NRCAM: variants seen among roughly 807,000 people sequenced by gnomAD.
The protein encoded by NRCAM is neuronal cell adhesion molecule.
NRCAM carries 83 observed loss-of-function variants against 156.5 expected under a neutral mutation model. The observed-to-expected ratio is 0.53, with a 90% CI of 0.44 to 0.64. NRCAM has a LOEUF of 0.64. NRCAM is among the 30% of genes least tolerant of loss of function. The pLI is 0.00. For synonymous variants in NRCAM, 538 were observed against 563.9 expected (o/e 0.95, Z 0.65); for missense variants, 1,417 against 1,597.3 (o/e 0.89, Z 1.92).
chr7:108,255,177 C>CA (rs1270150000), intron 3 of NRCAM, among the ~76,000 whole-genome samples: 1 of 110,916 alleles, frequency 9.0e-6, no homozygotes, highest in African/African-American at 4.2e-5. Context: ...CCCTCCCCCC[C>CA]CTGCCCCTCC....
At chr7:108,245,282 T>G (rs1466130860) in intron 3 of NRCAM, among the ~76,000 whole-genome samples, 1 of 152,166 alleles carries the variant, frequency 6.6e-6, no homozygotes, top group African/African-American at 2.4e-5. Context: ...CTCTTATTTT[T>G]TAATTAGTCA....
chr7:108,175,000 G>A (rs1438883381), intron 28 of NRCAM, among the ~76,000 whole-genome samples: 1 of 152,202 alleles, frequency 6.6e-6, no homozygotes, highest in Non-Finnish European at 1.5e-5. Context: ...CCCAAATAAT[G>A]TGGCATGGCC....
At chr7:108,418,501 A>G (rs4591957) in intron 1 of NRCAM, among the ~76,000 whole-genome samples, 118,101 of 151,618 alleles carry the variant, frequency 0.78, 47,782 homozygotes, top group East Asian at 0.96. Flanking sequence ...TGAAAGCAGC[A>G]TTGGCCTGAC....
At chr7:108,355,839 A>C (rs1449296568) in intron 2 of NRCAM, among the ~76,000 whole-genome samples, 4 of 152,254 alleles carry the variant, frequency 2.6e-5, no homozygotes, top group Admixed American at 6.5e-5. Flanking sequence ...CTGTGGCTAC[A>C]TCACAATGCC....
Position 108,337,722 on chromosome 7 carries a change from T to TTGCCACCATCTTGGAAGCAGCC in NRCAM, c.-173-25013_-173-24992dup, listed in dbSNP as rs1275245446. On this transcript the variant is annotated intron_variant, in intron 2 of 32. Transcript: ENST00000379028. ...AACCCTAGGTCAGAGAACACGAGGC[T>TTGCCACCATCTTGGAAGCAGCC]TGCCACCATCTTGGAAGCAGCCTGC... 1.3e-3 allele frequency among the ~76,000 whole-genome samples: 205 copies of TTGCCACCATCTTGGAAGCAGCC among 152,192 alleles called. 2 individuals are homozygous for TTGCCACCATCTTGGAAGCAGCC. Among genetic ancestry groups the TTGCCACCATCTTGGAAGCAGCC allele is most frequent in the Admixed American group, 5.2e-3 (79 of 15,290 alleles).
chr7:108,285,641 T>A (rs1260755129), intron 3 of NRCAM, among the ~76,000 whole-genome samples: 1 of 152,240 alleles, frequency 6.6e-6, no homozygotes, highest in Non-Finnish European at 1.5e-5. Flanking sequence ...GTGTCTTGAT[T>A]GCTTCAGAGA....
chr7:108,171,338 G>A (rs948704437), intron 28 of NRCAM, among the ~76,000 whole-genome samples: 1 of 152,146 alleles, frequency 6.6e-6, no homozygotes, highest in African/African-American at 2.4e-5. Context: ...AAATTCCTTA[G>A]CAAAGCATTC....
At chr7:108,297,060 A>G (rs1453992786) in intron 3 of NRCAM, among the ~76,000 whole-genome samples, 1 of 152,218 alleles carries the variant, frequency 6.6e-6, no homozygotes, top group African/African-American at 2.4e-5. Flanking sequence ...AGTGCCAGGC[A>G]TTAGTCACAA....
intron 3 of NRCAM, among the ~76,000 whole-genome samples, chr7:108,262,555 C>T (rs115540269): frequency 0.016 from 2,484 of 152,292 alleles, 60 homozygotes; most frequent in African/African-American, 0.052. Flanking sequence ...CATAATCTTT[C>T]TACAGCATGG....
At chr7:108,201,076 T>G (rs1235420129) in intron 13 of NRCAM, among the ~76,000 whole-genome samples, 2 of 151,464 alleles carry the variant, frequency 1.3e-5, no homozygotes, top group Non-Finnish European at 2.9e-5. Flanking sequence ...ATCTCAGAAC[T>G]TATTCATGTA....
intron 2 of NRCAM, among the ~76,000 whole-genome samples, chr7:108,376,765 CAA>C (rs1380211353): frequency 6.6e-6 from 1 of 152,140 alleles, no homozygotes; most frequent in Non-Finnish European, 1.5e-5. Context: ...TAAACGCAAG[CAA>C]AAGTCAGTCA....
intron 1 of NRCAM, among the ~76,000 whole-genome samples, chr7:108,420,404 G>A (rs1807882284): frequency 6.6e-6 from 1 of 152,110 alleles, no homozygotes; most frequent in Non-Finnish European, 1.5e-5. Context: ...CTGAATAAAT[G>A]GAAACGTCTT....
At chr7:108,221,548 C>T (rs554867045) in intron 11 of NRCAM, among the ~76,000 whole-genome samples, 14 of 152,170 alleles carry the variant, frequency 9.2e-5, no homozygotes, top group South Asian at 2.1e-4. Flanking sequence ...ATGGCATTTG[C>T]GGTGACCTGG....
chr7:108,410,636 T>G (rs1407622059), intron 1 of NRCAM, among the ~76,000 whole-genome samples: 1 of 152,188 alleles, frequency 6.6e-6, no homozygotes, highest in East Asian at 1.9e-4. Flanking sequence ...AGATTTTACT[T>G]TAATACAGTA....
intron 13 of NRCAM, among the ~76,000 whole-genome samples, chr7:108,201,999 A>T (rs1002376897): frequency 6.6e-6 from 1 of 152,212 alleles, no homozygotes; most frequent in Admixed American, 6.5e-5. Flanking sequence ...GAGTAAAATC[A>T]CTAATGTAGA....
At chr7:108,176,350 A>C in intron 27 of NRCAM, 80 bp downstream of exon 27, 1 of 1,283,494 alleles carries the variant, frequency 7.8e-7, no homozygotes, top group Non-Finnish European at 1.1e-6. Context: ...GTTCCATAGC[A>C]AGAAGGAAAA....
At chr7:108,314,091 C>T (rs2098844131) in intron 2 of NRCAM, among the ~76,000 whole-genome samples, 1 of 152,174 alleles carries the variant, frequency 6.6e-6, no homozygotes, top group Non-Finnish European at 1.5e-5. Flanking sequence ...TAACATGGTT[C>T]CATGGCATCA....
chr7:108,353,699 T>A (rs952452289), intron 2 of NRCAM, among the ~76,000 whole-genome samples: 7 of 152,380 alleles, frequency 4.6e-5, no homozygotes, highest in African/African-American at 1.7e-4. Context: ...GACCTCTTCT[T>A]ATTTTATGCT....
chr7:108,345,315 A>G, intron 2 of NRCAM, among the ~76,000 whole-genome samples: 1 of 152,182 alleles, frequency 6.6e-6, no homozygotes, highest in East Asian at 1.9e-4. Flanking sequence ...ACAAATATCA[A>G]ATCTGGCAGT....
Sources: gnomAD v4.1 joint callset for allele counts (sites outside exome capture counted in the v4.1 genomes callset) on GRCh38, gnomAD v4.1.1 for gene constraint, MANE v1.5 for transcripts, NCBI Gene and HGNC (gene_info 2026-07-23, HGNC 2026-07-21) for gene names.